Variants in CFAP61 observed in about 807,000 individuals in gnomAD.
The protein encoded by CFAP61 is cilia- and flagella-associated protein 61.
Under a neutral mutation model 135.6 loss-of-function variants are expected in CFAP61, and 107 were observed. The observed-to-expected ratio is 0.79, with a 90% CI of 0.67 to 0.93. The LOEUF is 0.93. CFAP61 is among the 40% of genes least tolerant of loss of function. The probability of loss-of-function intolerance (pLI) is 0.00; values close to 1 mark genes in which losing one functional copy is unlikely to be tolerated. For missense variants in CFAP61, 1,507 were observed against 1,556.2 expected, an observed-to-expected ratio of 0.97 and a Z score of 0.53; for synonymous variants, 575 against 578.5, an observed-to-expected ratio of 0.99 and a Z score of 0.09.
intron 21 of CFAP61, among the ~76,000 whole-genome samples, chr20:20,272,560 A>AC (rs1184012983): frequency 6.6e-6 from 1 of 152,064 alleles, no homozygotes. Flanking sequence ...AGGCCCAGAC[A>AC]CCCCCTGCAC....
intron 25 of CFAP61, among the ~76,000 whole-genome samples, chr20:20,304,124 C>T (rs2056285262): frequency 7.9e-5 from 12 of 152,158 alleles, no homozygotes; most frequent in Admixed American, 7.8e-4. Context: ...CACAGGCAGA[C>T]AGCTGTCACG....
chr20:20,261,050 C>T (rs996570), intron 20 of CFAP61, among the ~76,000 whole-genome samples: 42,493 of 152,126 alleles, frequency 0.28, 6,269 homozygotes, highest in Non-Finnish European at 0.33. Context: ...TTTACCTCTG[C>T]AATTTTGGTT....
At chr20:20,141,753 G>A (rs537420395) in intron 8 of CFAP61, among the ~76,000 whole-genome samples, 4 of 152,334 alleles carry the variant, frequency 2.6e-5, no homozygotes, top group African/African-American at 7.2e-5. Flanking sequence ...ACTGGCACTA[G>A]AAGAATACCA....
At chr20:20,074,249 C>G (rs1380151204) in intron 3 of CFAP61, 53 bp from the exon 4 acceptor site, 14 of 1,486,218 alleles carry the variant, frequency 9.4e-6, no homozygotes, top group Middle Eastern at 3.4e-4. Context: ...CCTGTGCTGA[C>G]CTAGCCCGAA....
chr20:20,238,655 C>T (rs1160997747), intron 18 of CFAP61, among the ~76,000 whole-genome samples: 3 of 152,178 alleles, frequency 2.0e-5, no homozygotes, highest in Non-Finnish European at 4.4e-5. Context: ...AGGGTAAGCA[C>T]CATGAAAAGT....
intron 2 of CFAP61, among the ~76,000 whole-genome samples, chr20:20,061,074 T>C (rs927078878): frequency 6.6e-6 from 1 of 152,180 alleles, no homozygotes; most frequent in Non-Finnish European, 1.5e-5. Context: ...TTGGGGTGGT[T>C]TATTACACAT....
intron 1 of CFAP61, chr20:20,056,105 G>T: frequency 1.1e-6 from 1 of 899,950 alleles, no homozygotes; most frequent in Non-Finnish European, 1.7e-6. Flanking sequence ...AGATGTTAAT[G>T]GGCCTGGTGG....
chr20:20,279,801 G>A (rs1268909039), intron 22 of CFAP61, among the ~76,000 whole-genome samples: 1 of 152,108 alleles, frequency 6.6e-6, no homozygotes, highest in Non-Finnish European at 1.5e-5. Flanking sequence ...GTCTCACAAA[G>A]AATGGCCCCT....
At chr20:20,269,240 C>CATTTATGTATATATAT (rs1569220097) in intron 21 of CFAP61, among the ~76,000 whole-genome samples, 1 of 123,542 alleles carries the variant, frequency 8.1e-6, no homozygotes, top group Non-Finnish European at 1.9e-5. Flanking sequence ...TATATATATA[C>CATTTATGTATATATAT]ACGTATATGT....
chr20:20,234,168 T>A (rs1030314994), intron 18 of CFAP61, among the ~76,000 whole-genome samples: 7 of 152,142 alleles, frequency 4.6e-5, no homozygotes, highest in African/African-American at 1.7e-4. Flanking sequence ...CAGGGCCGTG[T>A]GACAGGGAAG....
intron 25 of CFAP61, among the ~76,000 whole-genome samples, chr20:20,314,220 C>CAAAAA (rs74180988): frequency 4.2e-5 from 4 of 95,358 alleles, no homozygotes; most frequent in Admixed American, 1.2e-4. Flanking sequence ...CCCATCTCTA[C>CAAAAA]AAAAAAAAAA....
At chr20:20,059,860 T>C (rs1378105112) in intron 2 of CFAP61, among the ~76,000 whole-genome samples, 4 of 152,034 alleles carry the variant, frequency 2.6e-5, no homozygotes, top group African/African-American at 9.7e-5. Flanking sequence ...CCTAGTCTAG[T>C]TAGACTTTTA....
chr20:20,164,272 T>A (rs1569041110), intron 11 of CFAP61, 44 bp downstream of exon 11: 1 of 1,554,954 alleles, frequency 6.4e-7, no homozygotes, highest in Non-Finnish European at 8.7e-7. Context: ...GAGAATCTTT[T>A]CTGGCATTGG....
chr20:20,107,245 A>T (rs528013150), intron 8 of CFAP61, among the ~76,000 whole-genome samples: 1 of 152,322 alleles, frequency 6.6e-6, no homozygotes, highest in Admixed American at 6.5e-5. Flanking sequence ...CAACAAACAA[A>T]GGAAAATTTA....
intron 6 of CFAP61, among the ~76,000 whole-genome samples, chr20:20,079,063 G>C (rs1236109012): frequency 7.9e-5 from 12 of 152,186 alleles, no homozygotes. Flanking sequence ...AGGTAACTTG[G>C]ATGCTTCCGT....
At chr20:20,234,558 T>C (rs11906419) in intron 18 of CFAP61, among the ~76,000 whole-genome samples, 190 of 152,202 alleles carry the variant, frequency 1.2e-3, no homozygotes, top group African/African-American at 3.8e-3. Flanking sequence ...GAGATGGCAT[T>C]TAAGGACCTT....
At chr20:20,073,243 A>G (rs911976186) in intron 3 of CFAP61, among the ~76,000 whole-genome samples, 1 of 152,234 alleles carries the variant, frequency 6.6e-6, no homozygotes, top group Non-Finnish European at 1.5e-5. Context: ...ATACACAGCA[A>G]GTACTTGAAA....
intron 26 of CFAP61, among the ~76,000 whole-genome samples, chr20:20,358,724 C>T (rs905420063): frequency 2.0e-5 from 3 of 152,180 alleles, no homozygotes; most frequent in South Asian, 2.1e-4. Context: ...TCCAGCACCC[C>T]GTTGTGTCTT....
chr20:20,359,845 G>A lies in CFAP61; in HGVS notation c.3514-365G>A, dbSNP rs7262927. ...GGTTCCACTCATATGAGATGCCTGC[G>A]TAGTCACATTCATAGAGACAGAGGT... On this transcript the variant is annotated intron_variant, in intron 26 of 26. Transcript: ENST00000245957. The surrounding 1 kb of genome is among the most constrained non-coding windows in gnomAD (Gnocchi z 4.0). Among the ~76,000 whole-genome samples, 13,784 of 152,134 alleles carry A rather than the reference G, an allele frequency of 0.091. 845 individuals are homozygous for A. The highest frequency in any genetic ancestry group is 0.3 in the East Asian group (1,530 of 5,174).
Sources: allele counts gnomAD v4.1 joint callset (sites outside exome capture counted in the v4.1 genomes callset), GRCh38; gene constraint gnomAD v4.1.1; non-coding constraint Gnocchi (gnomAD v3.1); transcripts MANE v1.5; gene names NCBI Gene and HGNC (gene_info 2026-07-23, HGNC 2026-07-21).